Variants in ASTN2 observed in about 807,000 individuals in gnomAD.
The protein encoded by ASTN2 is astrotactin-2.
ASTN2 carries 54 observed loss-of-function variants against 139.8 expected under a neutral mutation model. The observed-to-expected ratio is 0.39, with a 90% CI of 0.31 to 0.48. ASTN2 has a LOEUF of 0.48. Ranked by LOEUF, ASTN2 falls within the 20% of genes least tolerant of loss-of-function variation. The probability of loss-of-function intolerance (pLI) is 0.95; values close to 1 mark genes in which losing one functional copy is unlikely to be tolerated. For missense variants in ASTN2, 1,565 were observed against 1,725.1 expected (o/e 0.91, Z 1.64); for synonymous variants, 756 against 719.5 (o/e 1.05, Z -0.81).
chr9:116,924,245 C>A (rs1366622783), intron 10 of ASTN2, among the ~76,000 whole-genome samples: 1 of 148,338 alleles, frequency 6.7e-6, no homozygotes, highest in South Asian at 2.1e-4. Context: ...CCTATCTCTA[C>A]TAAAAATATA....
chr9:116,899,060 A>C (rs547982210), intron 10 of ASTN2, among the ~76,000 whole-genome samples: 1 of 152,316 alleles, frequency 6.6e-6, no homozygotes, highest in South Asian at 2.1e-4. Context: ...CAGTATTAAC[A>C]AGGTTTTGAT....
At chr9:117,305,804 C>T (rs1338423800) in intron 1 of ASTN2, among the ~76,000 whole-genome samples, 1 of 152,204 alleles carries the variant, frequency 6.6e-6, no homozygotes, top group East Asian at 1.9e-4. Context: ...TCCTGACATT[C>T]CCATGACTTA....
At chr9:117,209,939 A>C (rs1588084275) in intron 3 of ASTN2, among the ~76,000 whole-genome samples, 2 of 152,322 alleles carry the variant, frequency 1.3e-5, no homozygotes, top group Middle Eastern at 6.8e-3. Context: ...AGATTAAATA[A>C]GATGCTCCTG....
At chr9:116,667,974 A>G (rs532487758) in intron 16 of ASTN2, among the ~76,000 whole-genome samples, 3 of 152,206 alleles carry the variant, frequency 2.0e-5, no homozygotes, top group Non-Finnish European at 4.4e-5. Context: ...TGAACATTCT[A>G]TGGGTTTGTA....
chr9:117,058,764 G>T (rs1194807520), intron 5 of ASTN2, among the ~76,000 whole-genome samples: 2 of 152,146 alleles, frequency 1.3e-5, no homozygotes, highest in Non-Finnish European at 2.9e-5. Flanking sequence ...GTGGGGATGG[G>T]AGATCAGACA....
At chr9:117,003,298 C>T (rs1003221476) in intron 7 of ASTN2, among the ~76,000 whole-genome samples, 8 of 152,158 alleles carry the variant, frequency 5.3e-5, no homozygotes, top group Admixed American at 4.6e-4. Context: ...GCATCAGCAA[C>T]AGCTCCCAGC....
rs775511788 is a variant in ASTN2 at position 117,198,493 on chromosome 9, T to C, written c.1015+15865A>G. On this transcript the variant is annotated intron_variant, in intron 3 of 22. Transcript: ENST00000313400. ...TTGTTACATAGGTATATATGTGCCA[T>C]GGTGGTTTGCTGCACCCATTACCAC... Among the ~76,000 whole-genome samples, 129 of 152,330 alleles carry C rather than the reference T, an allele frequency of 8.5e-4. 1 individual carries two copies. The highest frequency in any genetic ancestry group is 1.2e-3 in the Non-Finnish European group (79 of 68,032).
intron 10 of ASTN2, among the ~76,000 whole-genome samples, chr9:116,894,327 T>C (rs1037182570): frequency 6.6e-6 from 1 of 151,942 alleles, no homozygotes; most frequent in Non-Finnish European, 1.5e-5. Context: ...TAAAAAAAAG[T>C]CAATGACTCC....
At chr9:116,767,257 C>A in intron 13 of ASTN2, among the ~76,000 whole-genome samples, 1 of 152,138 alleles carries the variant, frequency 6.6e-6, no homozygotes, top group African/African-American at 2.4e-5. Context: ...TGCCAACCTA[C>A]TCACACCCTA....
chr9:117,386,293 G>A (rs1479056948), intron 1 of ASTN2, among the ~76,000 whole-genome samples: 1 of 152,162 alleles, frequency 6.6e-6, no homozygotes, highest in Non-Finnish European at 1.5e-5. Flanking sequence ...TACTAGTTTG[G>A]AGAGAACTGG....
intron 3 of ASTN2, chr9:117,181,022 A>G (rs1831050406): frequency 5.7e-6 from 9 of 1,582,166 alleles, no homozygotes; most frequent in Non-Finnish European, 7.7e-6. Context: ...TGGAGCCTGC[A>G]CTGGGGTAGC....
intron 13 of ASTN2, among the ~76,000 whole-genome samples, chr9:116,772,065 T>C (rs560331098): frequency 6.6e-6 from 1 of 152,366 alleles, no homozygotes; most frequent in African/African-American, 2.4e-5. Flanking sequence ...ATATTCTCTC[T>C]TTTAAACATC....
intron 19 of ASTN2, among the ~76,000 whole-genome samples, chr9:116,597,297 C>CTTTTTTTTTTTT (rs1457732724): frequency 1.8e-5 from 1 of 56,372 alleles, no homozygotes; most frequent in African/African-American, 5.2e-5. Flanking sequence ...GACTTTTGAT[C>CTTTTTTTTTTTT]TATTTTTTTT....
rs144736118 is a variant in ASTN2, at chr9:116,820,641, G to A, written c.2183C>T (p.Ser728Leu). 1.6e-5 allele frequency: 26 copies of A among 1,614,004 alleles called. No individual in the cohort carries two copies. The Admixed American group carries it at 2.2e-4, about 13-fold the overall frequency. Residue 728 changes from serine (S) to leucine (L), a missense_variant, in exon 12 of 23, where the codon TCG becomes TTG. Ser to Leu is a moderately radical substitution (Grantham distance 145). Around this residue, in one of 4 missense-constraint regions of ASTN2, gnomAD observed 503 missense variants for 591.7 expected, o/e 0.85. Transcript: ENST00000313400. ...QTLPLPYDAT[S>L]STIFMFCGCV... is the part of the protein sequence containing the mutation. ...CCCGCAGAACATGAAGATGGTGCTC[G>A]AAGTGGCATCGTAGGGCAGGGGCAG... is the stretch of plus-strand genomic sequence containing the variant.
chr9:117,378,468 A>C (rs1332843736), intron 1 of ASTN2, among the ~76,000 whole-genome samples: 1 of 152,150 alleles, frequency 6.6e-6, no homozygotes, highest in South Asian at 2.1e-4. Flanking sequence ...GCTTTTCCAC[A>C]CTGAGCCTTT....
chr9:116,781,620 G>C (rs754065352), intron 13 of ASTN2, among the ~76,000 whole-genome samples: 1 of 152,144 alleles, frequency 6.6e-6, no homozygotes, highest in African/African-American at 2.4e-5. Flanking sequence ...TTATTAGTCT[G>C]TTGTGCAAAA....
At chr9:116,993,255 C>T (rs1836908927) in intron 7 of ASTN2, among the ~76,000 whole-genome samples, 1 of 152,154 alleles carries the variant, frequency 6.6e-6, no homozygotes, top group African/African-American at 2.4e-5. Context: ...ACATTAGCCT[C>T]TATGATCTTC....
chr9:116,702,891 A>T (rs372398967), intron 16 of ASTN2, among the ~76,000 whole-genome samples: 1 of 152,164 alleles, frequency 6.6e-6, no homozygotes, highest in Non-Finnish European at 1.5e-5. Flanking sequence ...TCTTATTCCA[A>T]TCAGTAGAAT....
At chr9:116,733,629 G>T in intron 13 of ASTN2, 106 bp from the exon 14 acceptor site, 2 of 1,453,094 alleles carry the variant, frequency 1.4e-6, no homozygotes, top group Non-Finnish European at 1.9e-6. Context: ...CTCATGGTGG[G>T]GTGACTTTGC....
Sources: gnomAD v4.1 joint callset for allele counts (sites outside exome capture counted in the v4.1 genomes callset) on GRCh38, gnomAD v4.1.1 for gene constraint, gnomAD v4.1.1 regional missense constraint, MANE v1.5 for transcripts, NCBI Gene and HGNC (gene_info 2026-07-23, HGNC 2026-07-21) for gene names.